The following CAMTA1 variants were observed in gnomAD, a reference collection of about 807,000 sequenced individuals.
The protein encoded by CAMTA1 is calmodulin-binding transcription activator 1.
A neutral mutation model predicts 170.9 loss-of-function variants in CAMTA1; 27 were observed. That is an observed-to-expected ratio of 0.16 (90% confidence interval 0.12 to 0.22). The LOEUF is 0.22. CAMTA1 is among the 10% of genes least tolerant of loss of function. The pLI is 1.00. For missense variants in CAMTA1, 1,619 were observed against 2,217.2 expected (o/e 0.73, Z 5.42); for synonymous variants, 833 against 891.5 (o/e 0.93, Z 1.17).
intron 18 of CAMTA1, among the ~76,000 whole-genome samples, 170 bp downstream of exon 18, chr1:7,746,261 G>A (rs2096856468): frequency 3.3e-5 from 5 of 152,154 alleles, no homozygotes; most frequent in Admixed American, 3.3e-4. Context: ...ACATATCTGT[G>A]TGTGTATCTG....
At chr1:7,317,952 G>A (rs1357456922) in intron 5 of CAMTA1, among the ~76,000 whole-genome samples, 1 of 152,168 alleles carries the variant, frequency 6.6e-6, no homozygotes, top group Non-Finnish European at 1.5e-5. Flanking sequence ...TACTTGCTTT[G>A]CCTATTGAGG....
intron 6 of CAMTA1, among the ~76,000 whole-genome samples, chr1:7,515,219 T>C (rs1027315913): frequency 6.6e-6 from 1 of 152,172 alleles, no homozygotes; most frequent in Non-Finnish European, 1.5e-5. Context: ...CCTGGGATCA[T>C]CCCAGGTGTC....
rs926269949 is a variant in CAMTA1 at position 7,065,648 on chromosome 1, C to T, written c.235-25656C>T. Reference sequence around the variant, plus strand: ...ATAGGAGGGAAGAGAGAGGAGACAGCTGCACCTTGTTGGAGTCCATGTCAG... The same window carrying T: ...ATAGGAGGGAAGAGAGAGGAGACAGTTGCACCTTGTTGGAGTCCATGTCAG... On this transcript the variant is annotated intron_variant, in intron 3 of 22. Transcript: ENST00000303635. The surrounding 1 kb of genome is among the most constrained non-coding windows in gnomAD (Gnocchi z 5.2). Among the ~76,000 whole-genome samples, 2 of 80,536 alleles carry T rather than the reference C, an allele frequency of 2.5e-5. No individual in the cohort carries two copies. The highest frequency in any genetic ancestry group is 1.7e-4 in the African/African-American group (2 of 11,650). 52.8% of individuals were successfully genotyped at this position (80,536 alleles called of 152,430 possible). A position where few individuals can be genotyped will look rare whatever the true frequency, so the allele number is the denominator to read the frequency against.
At chr1:7,015,266 C>T (rs1009312054) in intron 3 of CAMTA1, among the ~76,000 whole-genome samples, 13 of 152,140 alleles carry the variant, frequency 8.5e-5, no homozygotes, top group Non-Finnish European at 1.9e-4. Context: ...GGATTTCCTA[C>T]GTTGTCCCCT....
intron 4 of CAMTA1, among the ~76,000 whole-genome samples, chr1:7,102,061 CACACACACAG>C (rs1223310295): frequency 8.7e-4 from 94 of 107,922 alleles, no homozygotes; most frequent in African/African-American, 2.2e-3. Flanking sequence ...CACACACACA[CACACACACAG>C]CTTCCTGTAT....
At position 7,673,694 on chromosome 1, in the gene CAMTA1, T is replaced by A. The variant is rs953061677; in HGVS notation, c.2779+2657T>A. Among the ~76,000 whole-genome samples the A allele has an allele frequency of 2.0e-5, 3 of 152,242 alleles. No individual in the cohort carries two copies. Among genetic ancestry groups the A allele is most frequent in the African/African-American group, 7.2e-5 (3 of 41,464 alleles). On this transcript the variant is annotated intron_variant, in intron 10 of 22. Coordinates refer to ENST00000303635, the MANE Select transcript of CAMTA1 (RefSeq NM_015215.4). The surrounding 1 kb of genome is among the most constrained non-coding windows in gnomAD (Gnocchi z 4.6). ...CTCCCCTGCTAGAGCCAGCACTCTG[T>A]CTTCAGCTAACTCCACAAAGGGGGC...
chr1:7,526,575 G>A (rs2094434800), intron 6 of CAMTA1, among the ~76,000 whole-genome samples: 1 of 152,234 alleles, frequency 6.6e-6, no homozygotes, highest in Admixed American at 6.5e-5. Flanking sequence ...AGGCGGAGGA[G>A]TCCTGGACAG....
At chr1:6,850,475 C>G (rs563377547) in intron 3 of CAMTA1, among the ~76,000 whole-genome samples, 13 of 151,996 alleles carry the variant, frequency 8.6e-5, no homozygotes, top group Non-Finnish European at 1.8e-4. Context: ...AGGGGTAGAC[C>G]CACAAAGAGT....
chr1:7,103,860 TACACAC>T (rs780708424), intron 4 of CAMTA1, among the ~76,000 whole-genome samples: 23 of 4,726 alleles, frequency 4.9e-3, no homozygotes, highest in Non-Finnish European at 8.3e-3. Flanking sequence ...ACAACACACA[TACACAC>T]ACACACAACT....
intron 6 of CAMTA1, among the ~76,000 whole-genome samples, chr1:7,607,900 T>TAG (rs1313903841): frequency 1.3e-5 from 2 of 151,934 alleles, no homozygotes; most frequent in Non-Finnish European, 2.9e-5. Context: ...TTTGTTGGAG[T>TAG]AGACTGTGTG....
At chr1:7,123,239 C>T (rs1644748276) in intron 4 of CAMTA1, among the ~76,000 whole-genome samples, 1 of 152,118 alleles carries the variant, frequency 6.6e-6, no homozygotes, top group Non-Finnish European at 1.5e-5. Flanking sequence ...TACCTAGCTT[C>T]TGGTACCCTC....
At chr1:7,708,709 A>C (rs2096546068) in intron 11 of CAMTA1, among the ~76,000 whole-genome samples, 1 of 152,192 alleles carries the variant, frequency 6.6e-6, no homozygotes, top group African/African-American at 2.4e-5. Context: ...CTCATCTTTG[A>C]AGCACCTACT....
chr1:7,679,024 C>T, intron 11 of CAMTA1, among the ~76,000 whole-genome samples: 1 of 152,204 alleles, frequency 6.6e-6, no homozygotes, highest in East Asian at 1.9e-4. Context: ...AGACAATTCC[C>T]TGGGGTGGCT....
At chr1:7,441,263 C>T (rs2092524300) in intron 5 of CAMTA1, 1 of 152,218 alleles carries the variant, frequency 6.6e-6, no homozygotes, top group African/African-American at 2.4e-5. Context: ...TTTGCAATGT[C>T]CCCCAGGGGC....
chr1:7,107,446 G>A (rs759830628), intron 4 of CAMTA1, among the ~76,000 whole-genome samples: 1 of 152,154 alleles, frequency 6.6e-6, no homozygotes, highest in Non-Finnish European at 1.5e-5. Context: ...GTGGGGAACG[G>A]CATGCCCTGA....
chr1:7,353,086 G>A (rs1471569975), intron 5 of CAMTA1, among the ~76,000 whole-genome samples: 1 of 152,194 alleles, frequency 6.6e-6, no homozygotes, highest in Non-Finnish European at 1.5e-5. Flanking sequence ...GAACCTCGGG[G>A]GTCAGCCTAG....
intron 5 of CAMTA1, among the ~76,000 whole-genome samples, chr1:7,264,618 T>A (rs1382379168): frequency 6.6e-6 from 1 of 151,952 alleles, no homozygotes; most frequent in African/African-American, 2.4e-5. Context: ...TTATTTTTAC[T>A]CCAAAAAGCA....
intron 3 of CAMTA1, among the ~76,000 whole-genome samples, chr1:6,992,428 A>G (rs1696534596): frequency 6.6e-6 from 1 of 152,194 alleles, no homozygotes; most frequent in African/African-American, 2.4e-5. Flanking sequence ...TTCTCTAAGA[A>G]ATCTTTGCTT....
intron 11 of CAMTA1, among the ~76,000 whole-genome samples, chr1:7,695,493 G>A (rs1441097364): frequency 6.6e-6 from 1 of 152,234 alleles, no homozygotes; most frequent in African/African-American, 2.4e-5. Context: ...TAGACCAGGA[G>A]GATCACTGGG....
Sources: gnomAD v4.1 joint callset for allele counts (sites outside exome capture counted in the v4.1 genomes callset) on GRCh38, gnomAD v4.1.1 for gene constraint, Gnocchi (gnomAD v3.1) non-coding constraint, MANE v1.5 for transcripts, NCBI Gene and HGNC (gene_info 2026-07-23, HGNC 2026-07-21) for gene names.